The following SLC37A3 variants were observed in gnomAD, a reference collection of about 807,000 sequenced individuals.
SLC37A3 encodes the protein solute carrier family 37 member 3.
A neutral mutation model predicts 67.1 loss-of-function variants in SLC37A3; 51 were observed. The observed-to-expected ratio is 0.76, with a 90% CI of 0.61 to 0.96. The LOEUF (loss-of-function observed/expected upper bound fraction) is 0.96. Among genes scored for constraint, SLC37A3 ranks in the 40% least tolerant of loss-of-function variants. The probability of loss-of-function intolerance (pLI) is 0.00; values close to 1 mark genes in which losing one functional copy is unlikely to be tolerated. For missense variants in SLC37A3, 508 were observed against 603.0 expected, an observed-to-expected ratio of 0.84 and a Z score of 1.65; for synonymous variants, 214 against 231.4, an observed-to-expected ratio of 0.92 and a Z score of 0.68.
At chr7:140,388,941 C>A (rs1798616577) in intron 1 of SLC37A3, among the ~76,000 whole-genome samples, 1 of 151,974 alleles carries the variant, frequency 6.6e-6, no homozygotes, top group Admixed American at 6.6e-5. Context: ...TGGTAATTTC[C>A]AGAATGGAAC....
intron 3 of SLC37A3, among the ~76,000 whole-genome samples, chr7:140,375,353 T>G (rs1797992286): frequency 6.6e-6 from 1 of 151,400 alleles, no homozygotes; most frequent in African/African-American, 2.4e-5. Context: ...TGTGCACCTG[T>G]AATCCCAGCT....
chr7:140,354,744 T>TG (rs201409919), intron 7 of SLC37A3, among the ~76,000 whole-genome samples: 17 of 149,496 alleles, frequency 1.1e-4, no homozygotes, highest in East Asian at 3.9e-4. Context: ...TTTGGTGTTT[T>TG]TTTTTTTTTT....
rs1482630299 is a variant in SLC37A3 at position 140,382,499 on chromosome 7, C to T, written c.28G>A (p.Gly10Arg). The change falls in exon 2 of 15, where the codon GGG becomes AGG. Residue 10 changes from glycine (G) to arginine (R), a missense_variant. Coordinates refer to ENST00000326232, the MANE Select transcript of SLC37A3 (RefSeq NM_207113.3). The stretch of plus-strand genomic sequence containing the variant: ...TGGCTGAACTGGGACAGCAGAGACC[C>T]TCTTTGAAAAACATTTGGCCAGGCC... MAWPNVFQR[G>R]SLLSQFSHHH... is the part of the protein sequence containing the mutation. 6.2e-7 allele frequency: 1 copy of T among 1,614,060 alleles called. No individual in the cohort carries two copies. The highest frequency in any genetic ancestry group is 8.5e-7 in the Non-Finnish European group (1 of 1,179,970).
In SLC37A3 at chr7:140,368,498, T is replaced by C. The variant is rs191180785; in HGVS notation, c.291+1092A>G. The stretch of plus-strand genomic sequence containing the variant: ...AGGAGAATTGCTTGAACCCGAGAGG[T>C]GGAGGTTGTGGTGAGCCAAGATTGT... On this transcript the variant is annotated intron_variant, in intron 4 of 14. Transcript: ENST00000326232. Among the ~76,000 whole-genome samples, 497 of 151,690 alleles carry C rather than the reference T, an allele frequency of 3.3e-3. 3 individuals are homozygous for C. Among genetic ancestry groups the C allele is most frequent in the South Asian group, 0.018 (87 of 4,778 alleles).
At chr7:140,374,460 G>A (rs1305191511) in intron 3 of SLC37A3, among the ~76,000 whole-genome samples, 1 of 148,030 alleles carries the variant, frequency 6.8e-6, no homozygotes, top group East Asian at 2.0e-4. Flanking sequence ...TCGCGCCACT[G>A]TACTCCAGCC....
At chr7:140,364,555 A>G in intron 4 of SLC37A3, 64 bp from the exon 5 acceptor site, 1 of 1,421,602 alleles carries the variant, frequency 7.0e-7, no homozygotes. Context: ...AGTAACATGC[A>G]CTGCAAAGCA....
intron 5 of SLC37A3, 125 bp from the exon 6 acceptor site, chr7:140,358,910 T>G (rs1797147993): frequency 2.4e-5 from 29 of 1,215,080 alleles, no homozygotes; most frequent in Non-Finnish European, 3.3e-5. Context: ...CCAGTGCCTG[T>G]AAGTCACGTG....
At chr7:140,378,314 C>T (rs1798111399) in intron 3 of SLC37A3, among the ~76,000 whole-genome samples, 1 of 152,230 alleles carries the variant, frequency 6.6e-6, no homozygotes, top group Admixed American at 6.5e-5. Flanking sequence ...CCTCACACAA[C>T]AGTGAGTTTC....
At chr7:140,386,311 C>T (rs989825582) in intron 1 of SLC37A3, among the ~76,000 whole-genome samples, 5 of 152,078 alleles carry the variant, frequency 3.3e-5, no homozygotes, top group African/African-American at 1.2e-4. Flanking sequence ...CTCGGGGAAT[C>T]CTTCCGCCTC....
At chr7:140,369,477 C>T (rs2129640225) in intron 4 of SLC37A3, 113 bp downstream of exon 4, 1 of 713,382 alleles carries the variant, frequency 1.4e-6, no homozygotes. Context: ...TTCAGAAATA[C>T]TGAACTCTGC....
intron 1 of SLC37A3, among the ~76,000 whole-genome samples, chr7:140,385,120 T>C (rs557898990): frequency 1.3e-5 from 2 of 152,346 alleles, no homozygotes; most frequent in Non-Finnish European, 2.9e-5. Flanking sequence ...AAATGGCTTA[T>C]TTCATTTGAG....
chr7:140,369,494 C>T, intron 4 of SLC37A3, 96 bp downstream of exon 4: 1 of 886,696 alleles, frequency 1.1e-6, no homozygotes, highest in Non-Finnish European at 1.7e-6. Context: ...CTGCCTCAGT[C>T]AGCAAATTCA....
intron 10 of SLC37A3, among the ~76,000 whole-genome samples, chr7:140,348,004 A>G (rs1219259787): frequency 6.6e-6 from 1 of 152,230 alleles, no homozygotes; most frequent in Non-Finnish European, 1.5e-5. Flanking sequence ...GATCAAGTTT[A>G]ATTTATAAGT....
chr7:140,360,173 C>A (rs1238275665), intron 5 of SLC37A3, among the ~76,000 whole-genome samples: 1 of 152,030 alleles, frequency 6.6e-6, no homozygotes, highest in Non-Finnish European at 1.5e-5. Flanking sequence ...TATAGTGAGA[C>A]CCCATGACTA....
rs113726969 is a variant in SLC37A3 at position 140,361,967 on chromosome 7, G to A, written c.375+2441C>T. ...CCGAGATTGCAGCCTCTGCCCAGCC[G>A]CCACCCTGTCTGGGAAGTGAGGAGC... On this transcript the variant is annotated intron_variant, in intron 5 of 14. Transcript: ENST00000326232. Among the ~76,000 whole-genome samples, 551 of 142,102 alleles carry A rather than the reference G, an allele frequency of 3.9e-3. 8 individuals are homozygous for A. The highest frequency in any genetic ancestry group is 0.014 in the African/African-American group (530 of 38,204). 93.2% of individuals were successfully genotyped at this position (142,102 alleles called of 152,430 possible).
At chr7:140,369,712 C>G (rs1441125490) in intron 3 of SLC37A3, 30 bp from the exon 4 acceptor site, 1 of 1,586,314 alleles carries the variant, frequency 6.3e-7, no homozygotes, top group South Asian at 1.1e-5. Context: ...ACAGGTCAGT[C>G]CCTGTAGAAT....
chr7:140,337,214 C>T (rs943919445), intron 14 of SLC37A3, 70 bp downstream of exon 14: 2 of 1,281,864 alleles, frequency 1.6e-6, no homozygotes, highest in African/African-American at 1.6e-5. Context: ...GCTGAAGTGA[C>T]TTAAGTAAGT....
chr7:140,380,908 T>TC lies in SLC37A3; in HGVS notation c.90-519_90-518insG, dbSNP rs1384686326. On this transcript the variant is annotated intron_variant, in intron 2 of 14. Coordinates refer to ENST00000326232, the MANE Select transcript of SLC37A3 (RefSeq NM_207113.3). ...GAATTCTTCTTCTTCTTTTTTTTTT[T>TC]TTTTTTGAGACAGAGTCTCGCTCTG... Among the ~76,000 whole-genome samples, 22 of 149,902 alleles carry TC rather than the reference T, an allele frequency of 1.5e-4. No individual in the cohort carries two copies. In the East Asian group the frequency reaches 3.2e-3, roughly 22 times the overall value.
At chr7:140,375,163 A>C (rs1206880096) in intron 3 of SLC37A3, among the ~76,000 whole-genome samples, 17 of 106,412 alleles carry the variant, frequency 1.6e-4, no homozygotes, top group African/African-American at 5.5e-4. Flanking sequence ...CAAAAAAAAA[A>C]CAAAAAACAA....
Sources: allele counts gnomAD v4.1 joint callset (sites outside exome capture counted in the v4.1 genomes callset), GRCh38; gene constraint gnomAD v4.1.1; transcripts MANE v1.5; gene names NCBI Gene and HGNC (gene_info 2026-07-23, HGNC 2026-07-21).